The following CMSS1 variants were observed in gnomAD, a reference collection of about 807,000 sequenced individuals.
The protein encoded by CMSS1 is cms1 ribosomal small subunit homolog, also known as protein CMSS1.
A neutral mutation model predicts 43.5 loss-of-function variants in CMSS1; 33 were observed. The ratio of observed to expected loss-of-function variants is 0.76; its 90% CI spans 0.57 to 1.01. The LOEUF is 1.01. Among genes scored for constraint, CMSS1 ranks in the 50% least tolerant of loss-of-function variants. The pLI, the probability that CMSS1 is intolerant of heterozygous loss-of-function variation, is 0.00. For synonymous variants in CMSS1, 115 were observed against 117.2 expected, an observed-to-expected ratio of 0.98 and a Z score of 0.12; for missense variants, 313 against 326.4, an observed-to-expected ratio of 0.96 and a Z score of 0.32.
intron 1 of CMSS1, among the ~76,000 whole-genome samples, chr3:99,909,172 T>C (rs941613627): frequency 3.9e-5 from 6 of 152,148 alleles, no homozygotes; most frequent in African/African-American, 9.7e-5. Flanking sequence ...AGGCTATGGG[T>C]GAAAGACATG....
intron 1 of CMSS1, among the ~76,000 whole-genome samples, chr3:99,942,863 T>C (rs1039273513): frequency 6.6e-6 from 1 of 151,466 alleles, no homozygotes; most frequent in Non-Finnish European, 1.5e-5. Context: ...GGTGATTTTC[T>C]TAAAAGAAAA....
At chr3:100,096,414 G>A (rs2066209202) in intron 1 of CMSS1, among the ~76,000 whole-genome samples, 1 of 152,152 alleles carries the variant, frequency 6.6e-6, no homozygotes, top group African/African-American at 2.4e-5. Context: ...TAAACACAAT[G>A]GATACTATTC....
intron 1 of CMSS1, among the ~76,000 whole-genome samples, chr3:100,066,012 C>A (rs944911351): frequency 1.3e-5 from 2 of 152,194 alleles, no homozygotes; most frequent in Non-Finnish European, 2.9e-5. Context: ...ACTTTTAAAA[C>A]CCTTCCAGAT....
At chr3:100,096,711 G>A (rs1382632184) in intron 1 of CMSS1, among the ~76,000 whole-genome samples, 2 of 151,696 alleles carry the variant, frequency 1.3e-5, no homozygotes, top group Non-Finnish European at 2.9e-5. Context: ...TAGCACAACA[G>A]AGTGACTACA....
intron 1 of CMSS1, among the ~76,000 whole-genome samples, chr3:99,939,937 T>A (rs1183495921): frequency 1.3e-5 from 2 of 152,238 alleles, no homozygotes; most frequent in Non-Finnish European, 2.9e-5. Flanking sequence ...CTTTTTAGTT[T>A]GGAAGTGTTC....
chr3:99,934,148 G>C (rs1707582389), intron 1 of CMSS1, among the ~76,000 whole-genome samples: 1 of 152,186 alleles, frequency 6.6e-6, no homozygotes, highest in Admixed American at 6.5e-5. Context: ...CCAAGAACGT[G>C]AGAGTTGAAG....
intron 1 of CMSS1, among the ~76,000 whole-genome samples, chr3:100,137,846 T>C (rs906483725): frequency 6.6e-6 from 1 of 152,122 alleles, no homozygotes; most frequent in African/African-American, 2.4e-5. Context: ...GATTACAGGC[T>C]GAGCTACCAC....
intron 1 of CMSS1, among the ~76,000 whole-genome samples, chr3:99,906,341 A>T (rs1275875269): frequency 2.0e-5 from 3 of 152,292 alleles, no homozygotes; most frequent in African/African-American, 7.2e-5. Context: ...AGGCCCCTTC[A>T]AGTCTGTTTC....
intron 1 of CMSS1, among the ~76,000 whole-genome samples, chr3:100,065,439 G>C (rs1483236988): frequency 2.0e-5 from 3 of 152,286 alleles, no homozygotes; most frequent in Admixed American, 6.5e-5. Flanking sequence ...CATTATGGCA[G>C]TCTAGATTCA....
chr3:99,829,881 T>C (rs375939330), intron 1 of CMSS1, among the ~76,000 whole-genome samples: 105 of 152,342 alleles, frequency 6.9e-4, no homozygotes, highest in Middle Eastern at 6.8e-3. Flanking sequence ...TTTCCTCCTT[T>C]AAGAATTATC....
chr3:100,175,834 A>G (rs1049684164), intron 8 of CMSS1, among the ~76,000 whole-genome samples: 17 of 152,152 alleles, frequency 1.1e-4, no homozygotes, highest in Non-Finnish European at 1.8e-4. Flanking sequence ...TACCAACCTC[A>G]TCGAAGGATA....
rs190351301 is a variant in CMSS1, at chr3:100,118,061, A to G, written c.65-28912A>G. Among the ~76,000 whole-genome samples the G allele has an allele frequency of 1.0e-3, 156 of 150,976 alleles. 1 individual carries two copies. Among genetic ancestry groups the G allele is most frequent in the Non-Finnish European group, 1.7e-3 (114 of 67,724 alleles). On this transcript the variant is annotated intron_variant, in intron 1 of 9. Transcript: ENST00000421999. ...CAAATTCATAGAAATAGAAAGTAGA[A>G]TAGGGTTATCAACAGCTGGTGGGAA...
chr3:99,873,142 A>C (rs1705324629), intron 1 of CMSS1, among the ~76,000 whole-genome samples: 1 of 152,178 alleles, frequency 6.6e-6, no homozygotes, highest in East Asian at 1.9e-4. Context: ...TGACAGCAGC[A>C]ACCACAGAAA....
chr3:100,059,528 A>G (rs2065523442), intron 1 of CMSS1, among the ~76,000 whole-genome samples: 1 of 152,172 alleles, frequency 6.6e-6, no homozygotes, highest in Non-Finnish European at 1.5e-5. Flanking sequence ...GAGGAGATGA[A>G]GACAAAGTTT....
rs557122014 is a variant in CMSS1, at chr3:99,852,304, G to T, written c.64+34261G>T. Among the ~76,000 whole-genome samples the T allele has an allele frequency of 2.6e-5, 4 of 152,300 alleles. No individual in the cohort carries two copies. In the South Asian group the frequency reaches 8.3e-4, roughly 32 times the overall value. ...ATGAAGTTATGACTACTTACATTCT[G>T]ATAGGTATAGAGAATTCATAAAACT... On this transcript the variant is annotated intron_variant, in intron 1 of 9. Transcript: ENST00000421999.
At chr3:100,084,282 C>T (rs2065973293) in intron 1 of CMSS1, among the ~76,000 whole-genome samples, 1 of 152,128 alleles carries the variant, frequency 6.6e-6, no homozygotes, top group African/African-American at 2.4e-5. Context: ...CTCCTACCTG[C>T]TATTTTTCAC....
At chr3:99,851,072 T>A in intron 1 of CMSS1, 1 of 1,569,478 alleles carries the variant, frequency 6.4e-7, no homozygotes, top group Non-Finnish European at 8.6e-7. Context: ...TTCTTTAATC[T>A]GAAAAATGTA....
intron 1 of CMSS1, among the ~76,000 whole-genome samples, chr3:99,957,964 T>A (rs2107698398): frequency 6.6e-6 from 1 of 150,444 alleles, no homozygotes; most frequent in South Asian, 2.1e-4. Flanking sequence ...AAACAGCACA[T>A]CACAAAGCAT....
intron 2 of CMSS1, among the ~76,000 whole-genome samples, chr3:100,153,939 C>T (rs1307148836): frequency 6.6e-6 from 1 of 151,940 alleles, no homozygotes; most frequent in Non-Finnish European, 1.5e-5. Flanking sequence ...CAACCTCTGC[C>T]TCCTGAATTC....
Sources: gnomAD v4.1 joint callset for allele counts (sites outside exome capture counted in the v4.1 genomes callset) on GRCh38, gnomAD v4.1.1 for gene constraint, MANE v1.5 for transcripts, NCBI Gene and HGNC (gene_info 2026-07-23, HGNC 2026-07-21) for gene names.